Variants in EPHA6 observed in about 807,000 individuals in gnomAD.
EPHA6 encodes EPH receptor A6, also known as ephrin type-A receptor 6.
In EPHA6, 50 loss-of-function variants were observed where a neutral mutation model predicts 112.0. The observed-to-expected ratio is 0.45, with a 90% CI of 0.36 to 0.56. The LOEUF is 0.56. Ranked by LOEUF, EPHA6 falls within the 20% of genes least tolerant of loss-of-function variation. EPHA6 has a pLI of 0.00. For synonymous variants in EPHA6, 529 were observed against 490.7 expected (o/e 1.08, Z -1.03); for missense variants, 1,280 against 1,417.4 (o/e 0.90, Z 1.56).
intron 2 of EPHA6, among the ~76,000 whole-genome samples, chr3:96,984,108 C>G (rs999805738): frequency 6.6e-6 from 1 of 152,204 alleles, no homozygotes; most frequent in Non-Finnish European, 1.5e-5. Flanking sequence ...AACTGCATTC[C>G]TTTGGAGGGG....
At chr3:96,966,175 A>G (rs1331591846) in intron 2 of EPHA6, among the ~76,000 whole-genome samples, 1 of 152,102 alleles carries the variant, frequency 6.6e-6, no homozygotes, top group East Asian at 1.9e-4. Flanking sequence ...TTAAACTGGT[A>G]TTTTGATTAG....
chr3:97,352,043 G>A (rs991585), intron 5 of EPHA6, among the ~76,000 whole-genome samples: 29,211 of 152,070 alleles, frequency 0.19, 6,234 homozygotes, highest in African/African-American at 0.51. Context: ...ATTTTATTCT[G>A]TACTTAAGAC....
At chr3:96,818,811 C>G (rs911705295) in intron 1 of EPHA6, among the ~76,000 whole-genome samples, 2 of 151,712 alleles carry the variant, frequency 1.3e-5, no homozygotes, top group African/African-American at 2.4e-5. Context: ...AAAGACCATT[C>G]ATTTAGAAGA....
At chr3:97,481,418 C>T (rs1175369842) in intron 9 of EPHA6, 30 of 1,429,344 alleles carry the variant, frequency 2.1e-5, no homozygotes, top group South Asian at 1.1e-5. Context: ...ATCTGTTCGC[C>T]TTTCTCCAAA....
Position 97,481,514 on chromosome 3 carries a change from C to T in EPHA6, c.2074+2150C>T, listed in dbSNP as rs936441991. 87 of 988,646 alleles carry T rather than the reference C, an allele frequency of 8.8e-5. 1 individual carries two copies. Among genetic ancestry groups the T allele is most frequent in the South Asian group, 6.8e-4 (54 of 79,286 alleles). The allele number at this position is 988,646 out of a possible 1,614,324, so 61.2% of individuals were successfully genotyped here. On this transcript the variant is annotated intron_variant, in intron 9 of 17. Coordinates refer to ENST00000389672, the MANE Select transcript of EPHA6 (RefSeq NM_001080448.3). The stretch of plus-strand genomic sequence containing the variant: ...CATAGTTCCGGTTCTTCCTCCGGCG[C>T]GGGGCTAAGTGCAGGCCCGGGGGTC...
intron 13 of EPHA6, among the ~76,000 whole-genome samples, chr3:97,613,769 A>C (rs988409196): frequency 1.3e-5 from 2 of 152,216 alleles, no homozygotes; most frequent in Non-Finnish European, 2.9e-5. Context: ...CCCAGAAGGC[A>C]CAACTTCACC....
At chr3:97,732,174 C>T (rs377277842) in intron 15 of EPHA6, among the ~76,000 whole-genome samples, 1 of 151,602 alleles carries the variant, frequency 6.6e-6, no homozygotes, top group Non-Finnish European at 1.5e-5. Flanking sequence ...TTTTACGTAA[C>T]CTCCCAACCT....
intron 5 of EPHA6, among the ~76,000 whole-genome samples, chr3:97,308,220 A>G (rs2081401971): frequency 6.6e-6 from 1 of 151,712 alleles, no homozygotes; most frequent in Admixed American, 6.6e-5. Context: ...CTGTATGATT[A>G]TAGTAATCGG....
intron 4 of EPHA6, among the ~76,000 whole-genome samples, chr3:97,232,619 G>A (rs2078561806): frequency 6.6e-6 from 1 of 152,096 alleles, no homozygotes; most frequent in Non-Finnish European, 1.5e-5. Context: ...TTTGGCTGAG[G>A]GGCATAAGTC....
intron 14 of EPHA6, among the ~76,000 whole-genome samples, chr3:97,641,593 C>T (rs900638154): frequency 2.0e-5 from 3 of 152,170 alleles, no homozygotes; most frequent in Non-Finnish European, 4.4e-5. Context: ...GCGCACCATG[C>T]GCGAGCCGAA....
At chr3:97,676,734 A>G (rs959227219) in intron 14 of EPHA6, among the ~76,000 whole-genome samples, 2 of 152,156 alleles carry the variant, frequency 1.3e-5, no homozygotes, top group Non-Finnish European at 2.9e-5. Flanking sequence ...TGGGAGTATG[A>G]ACTGTTTATC....
At chr3:97,513,785 CACT>C (rs1441341953) in intron 10 of EPHA6, among the ~76,000 whole-genome samples, 1 of 151,828 alleles carries the variant, frequency 6.6e-6, no homozygotes, top group Admixed American at 6.6e-5. Flanking sequence ...CTGACTTGAT[CACT>C]ACACTATATA....
intron 3 of EPHA6, among the ~76,000 whole-genome samples, chr3:97,206,859 T>C (rs925822886): frequency 1.3e-5 from 2 of 152,132 alleles, no homozygotes; most frequent in African/African-American, 4.8e-5. Context: ...TGATTGTACT[T>C]GATAATGCAG....
chr3:97,519,295 C>T (rs2092498831), intron 10 of EPHA6, among the ~76,000 whole-genome samples: 2 of 152,148 alleles, frequency 1.3e-5, no homozygotes, highest in Non-Finnish European at 2.9e-5. Flanking sequence ...TGTCAAAACT[C>T]CGTCAGCTGT....
At chr3:96,852,204 G>T (rs771817718) in intron 1 of EPHA6, among the ~76,000 whole-genome samples, 14 of 151,940 alleles carry the variant, frequency 9.2e-5, no homozygotes, top group Admixed American at 1.3e-4. Context: ...ACATCAAGAG[G>T]GTGTTTGGGC....
At chr3:97,724,756 T>C (rs2034682692) in intron 15 of EPHA6, among the ~76,000 whole-genome samples, 1 of 151,948 alleles carries the variant, frequency 6.6e-6, no homozygotes, top group South Asian at 2.1e-4. Context: ...GTATCTTTTT[T>C]TTTTAAGGGA....
chr3:97,338,685 T>C (rs373503109), intron 5 of EPHA6, among the ~76,000 whole-genome samples: 13 of 152,196 alleles, frequency 8.5e-5, no homozygotes, highest in African/African-American at 3.1e-4. Context: ...ACTTGCCCAG[T>C]TTGCAAATTT....
intron 5 of EPHA6, among the ~76,000 whole-genome samples, chr3:97,284,685 TG>T (rs1390261347): frequency 1.3e-5 from 2 of 152,160 alleles, no homozygotes; most frequent in Non-Finnish European, 2.9e-5. Flanking sequence ...TGAAAAATAG[TG>T]AACTATCCCA....
chr3:97,725,508 T>C (rs1446042538), intron 15 of EPHA6, among the ~76,000 whole-genome samples: 1 of 152,122 alleles, frequency 6.6e-6, no homozygotes. Context: ...TTTTGGTATA[T>C]ATCGTTTTCA....
Sources: gnomAD v4.1 joint callset for allele counts (sites outside exome capture counted in the v4.1 genomes callset) on GRCh38, gnomAD v4.1.1 for gene constraint, MANE v1.5 for transcripts, NCBI Gene and HGNC (gene_info 2026-07-23, HGNC 2026-07-21) for gene names.